The following ANK1 variants were observed in gnomAD, a reference collection of about 807,000 sequenced individuals.
ANK1 encodes the protein ankyrin-1.
Under a neutral mutation model 210.4 loss-of-function variants are expected in ANK1, and 51 were observed. The ratio of observed to expected loss-of-function variants is 0.24; its 90% CI spans 0.19 to 0.31. The LOEUF is 0.31. Among genes scored for constraint, ANK1 ranks in the 10% least tolerant of loss-of-function variants. ANK1 has a pLI of 1.00. For synonymous variants in ANK1, 967 were observed against 1,025.9 expected, an observed-to-expected ratio of 0.94 and a Z score of 1.10; for missense variants, 2,051 against 2,504.4, an observed-to-expected ratio of 0.82 and a Z score of 3.86.
chr8:41,776,161 G>A (rs1253969367), intron 1 of ANK1, among the ~76,000 whole-genome samples: 3 of 152,156 alleles, frequency 2.0e-5, no homozygotes, highest in Non-Finnish European at 2.9e-5. Flanking sequence ...TATTTTTAGG[G>A]TAGAGGGGAA....
chr8:41,870,512 C>G (rs1406188179), intron 1 of ANK1, among the ~76,000 whole-genome samples: 1 of 152,170 alleles, frequency 6.6e-6, no homozygotes. Context: ...TGTTTCACCC[C>G]ACAATATCAA....
In ANK1 at chr8:41,690,992, G is replaced by A. The variant is rs1273050522; in HGVS notation, c.3859-393C>T. Among the ~76,000 whole-genome samples the A allele has an allele frequency of 2.0e-5, 3 of 152,234 alleles. No individual in the cohort carries two copies. In the South Asian group the frequency reaches 6.2e-4, roughly 32 times the overall value. On this transcript the variant is annotated intron_variant, in intron 31 of 42. Coordinates refer to ENST00000289734, the MANE Select transcript of ANK1 (RefSeq NM_000037.4). ...AATCCCTCCACTTTAGAAGGCCAAAGTGGGAAGATTGCTTAAGTTCAGGAG... is the reference window on the plus strand; with the variant it reads ...AATCCCTCCACTTTAGAAGGCCAAAATGGGAAGATTGCTTAAGTTCAGGAG...
chr8:41,703,780 T>C (rs1214254130), intron 20 of ANK1, among the ~76,000 whole-genome samples: 1 of 152,030 alleles, frequency 6.6e-6, no homozygotes, highest in African/African-American at 2.4e-5. Flanking sequence ...TGTAAGCCAC[T>C]GCACTCACAC....
At chr8:41,755,592 C>A (rs1225846710) in intron 2 of ANK1, among the ~76,000 whole-genome samples, 1 of 152,198 alleles carries the variant, frequency 6.6e-6, no homozygotes, top group Admixed American at 6.5e-5. Flanking sequence ...AGCGAGCAAC[C>A]CACCCTGCCT....
chr8:41,813,217 T>C (rs1802762102), intron 1 of ANK1, among the ~76,000 whole-genome samples: 1 of 152,182 alleles, frequency 6.6e-6, no homozygotes. Context: ...GGCACAAAGG[T>C]TATCCATACA....
At chr8:41,880,777 G>C (rs1349491419) in intron 1 of ANK1, among the ~76,000 whole-genome samples, 2 of 152,234 alleles carry the variant, frequency 1.3e-5, no homozygotes, top group Non-Finnish European at 2.9e-5. Flanking sequence ...CCAAACTCAA[G>C]CTCCCTGGCA....
At chr8:41,810,259 G>T (rs1342783599) in intron 1 of ANK1, among the ~76,000 whole-genome samples, 1 of 152,240 alleles carries the variant, frequency 6.6e-6, no homozygotes, top group Non-Finnish European at 1.5e-5. Flanking sequence ...TCCAGGTGGC[G>T]CTGGGGGAGG....
intron 42 of ANK1, among the ~76,000 whole-genome samples, chr8:41,657,595 G>A (rs1806219585): frequency 6.6e-6 from 1 of 152,226 alleles, no homozygotes; most frequent in African/African-American, 2.4e-5. Context: ...CCTCAAATAA[G>A]AGACCATCAT....
chr8:41,679,558 CTTTTTTTT>C (rs869249907), intron 37 of ANK1, among the ~76,000 whole-genome samples: 1 of 90,242 alleles, frequency 1.1e-5, no homozygotes, highest in Non-Finnish European at 2.0e-5. Context: ...CCTGGACTTT[CTTTTTTTT>C]TTTTTTTTTT....
At chr8:41,838,701 G>A in intron 1 of ANK1, among the ~76,000 whole-genome samples, 1 of 151,778 alleles carries the variant, frequency 6.6e-6, no homozygotes, top group East Asian at 1.9e-4. Flanking sequence ...GGAGGCAGAG[G>A]CTGCGGTGAG....
intron 33 of ANK1, among the ~76,000 whole-genome samples, chr8:41,689,346 C>G (rs1818627179): frequency 6.7e-6 from 1 of 149,134 alleles, no homozygotes; most frequent in Non-Finnish European, 1.5e-5. Flanking sequence ...CCAGGCTAGT[C>G]TTGAACTCCT....
chr8:41,706,098 G>T, intron 18 of ANK1, 45 bp downstream of exon 18: 1 of 1,560,022 alleles, frequency 6.4e-7, no homozygotes, highest in South Asian at 1.1e-5. Flanking sequence ...TCTGAAGTGT[G>T]AGCAAGGAGT....
intron 39 of ANK1, among the ~76,000 whole-genome samples, chr8:41,667,397 G>A (rs937599353): frequency 7.9e-5 from 12 of 152,156 alleles, no homozygotes; most frequent in African/African-American, 2.7e-4. Flanking sequence ...TGTCGTTCAT[G>A]TACATACTAA....
chr8:41,749,753 C>T (rs780934723), intron 2 of ANK1, among the ~76,000 whole-genome samples: 16 of 152,054 alleles, frequency 1.1e-4, no homozygotes, highest in Middle Eastern at 3.2e-3. Flanking sequence ...GCTGGGATTA[C>T]AGGCATGCGC....
At chr8:41,893,100 C>T (rs1372449619) in intron 1 of ANK1, among the ~76,000 whole-genome samples, 1 of 152,140 alleles carries the variant, frequency 6.6e-6, no homozygotes, top group Non-Finnish European at 1.5e-5. Context: ...TTCACTTTTC[C>T]TCCCATCTTC....
Position 41,724,480 on chromosome 8 carries a change from T to G in ANK1, c.687A>C (p.Gly229=). ...CCTGTGGTGTGAAATTGACGCTGGC[T>G]CCTCTGTTGAGGAGCAACTGGGCCA... is the stretch of plus-strand genomic sequence containing the variant. ...LNVAQLLLNR[G]ASVNFTPQNG... Residue 229 remains glycine, a synonymous_variant, in exon 7 of 43, where the codon GGA becomes GGC. Transcript: ENST00000289734. 6.3e-7 allele frequency: 1 copy of G among 1,593,738 alleles called. No individual in the cohort carries two copies. The highest frequency in any genetic ancestry group is 1.1e-5 in the South Asian group (1 of 87,364).
At chr8:41,680,253 G>A (rs1361747720) in intron 37 of ANK1, among the ~76,000 whole-genome samples, 1 of 152,112 alleles carries the variant, frequency 6.6e-6, no homozygotes, top group Non-Finnish European at 1.5e-5. Context: ...TTGCTTTAGT[G>A]GAATTTCACC....
Position 41,704,887 on chromosome 8 carries a change from A to T in ANK1, c.2098-415T>A, listed in dbSNP as rs1275569583. 1.3e-5 allele frequency among the ~76,000 whole-genome samples: 2 copies of T among 152,142 alleles called. No homozygotes were observed. The highest frequency in any genetic ancestry group is 3.9e-4 in the East Asian group (2 of 5,192). On this transcript the variant is annotated intron_variant, in intron 18 of 42. Coordinates refer to ENST00000289734, the MANE Select transcript of ANK1 (RefSeq NM_000037.4). The surrounding 1 kb of genome is among the most constrained non-coding windows in gnomAD (Gnocchi z 4.1). The stretch of plus-strand genomic sequence containing the variant: ...CCCAGGGGAGCTATTTCAAGAAGGA[A>T]GAAACAGCCTTCAGGCCTGGGAAGG...
chr8:41,810,348 G>A (rs1485364011), intron 1 of ANK1, among the ~76,000 whole-genome samples: 1 of 152,202 alleles, frequency 6.6e-6, no homozygotes, highest in Non-Finnish European at 1.5e-5. Flanking sequence ...CATGTCAGGA[G>A]GTATAAAGAT....
Sources: allele counts gnomAD v4.1 joint callset (sites outside exome capture counted in the v4.1 genomes callset), GRCh38; gene constraint gnomAD v4.1.1; non-coding constraint Gnocchi (gnomAD v3.1); transcripts MANE v1.5; gene names NCBI Gene and HGNC (gene_info 2026-07-23, HGNC 2026-07-21).